NALF1: variants seen among roughly 807,000 people sequenced by gnomAD.
NALF1 encodes the protein family with sequence similarity 155 member A.
In NALF1, 3 loss-of-function variants were observed where a neutral mutation model predicts 48.4. The observed-to-expected ratio is 0.06, with a 90% confidence interval of 0.03 to 0.16. The LOEUF is 0.16. NALF1 is among the 10% of genes least tolerant of loss of function. NALF1 has a pLI of 1.00. For synonymous variants in NALF1, 262 were observed against 245.7 expected, an observed-to-expected ratio of 1.07 and a Z score of -0.62; for missense variants, 526 against 571.5, an observed-to-expected ratio of 0.92 and a Z score of 0.81.
chr13:107,783,238 T>TG (rs1420869355), intron 1 of NALF1, among the ~76,000 whole-genome samples: 3,093 of 37,368 alleles, frequency 0.083, 257 homozygotes, highest in Non-Finnish European at 0.11. Context: ...GGGAGGGAGG[T>TG]GGGGGGGTCA....
At chr13:107,696,875 C>G (rs1325590039) in intron 1 of NALF1, among the ~76,000 whole-genome samples, 1 of 152,014 alleles carries the variant, frequency 6.6e-6, no homozygotes, top group Admixed American at 6.6e-5. Flanking sequence ...TACATGCATA[C>G]TTTTACATTC....
At chr13:107,581,214 C>T (rs1236247424) in intron 1 of NALF1, among the ~76,000 whole-genome samples, 1 of 152,136 alleles carries the variant, frequency 6.6e-6, no homozygotes, top group Admixed American at 6.5e-5. Context: ...TGGGCAACTG[C>T]TGTGTCATTG....
At chr13:107,661,474 C>A (rs1880733204) in intron 1 of NALF1, among the ~76,000 whole-genome samples, 2 of 151,912 alleles carry the variant, frequency 1.3e-5, no homozygotes, top group South Asian at 2.1e-4. Context: ...TGTCCAACAA[C>A]CAAACTGGAG....
intron 1 of NALF1, among the ~76,000 whole-genome samples, chr13:107,672,748 CTACT>C: frequency 6.6e-6 from 1 of 152,242 alleles, no homozygotes; most frequent in South Asian, 2.1e-4. Context: ...CACAAACTCC[CTACT>C]TAAACTCCAG....
chr13:107,432,682 G>T (rs941705853), intron 1 of NALF1, among the ~76,000 whole-genome samples: 1 of 152,152 alleles, frequency 6.6e-6, no homozygotes, highest in Non-Finnish European at 1.5e-5. Flanking sequence ...TGATGTCAAT[G>T]TAAATTTAAA....
chr13:107,866,354 CTGCTGCTGCTGCCGCTGCTGCTGCTGG>C lies in NALF1; in HGVS notation c.216_242del (p.His72_Gln80del), dbSNP rs1422493899. 6.2e-6 allele frequency: 10 copies of C among 1,610,834 alleles called. No homozygotes were observed. Among genetic ancestry groups the C allele is most frequent in the Non-Finnish European group, 2.5e-6 (3 of 1,179,308 alleles). On this transcript the variant is annotated inframe_deletion, in exon 1 of 3. Coordinates refer to ENST00000375915, the MANE Select transcript of NALF1 (RefSeq NM_001080396.3). This position sits in a 1 kb window ranked among gnomAD's most constrained non-coding sequence, Gnocchi z 4.4. ...GCCGCTGCCTCTGCTGCTGCTGCTG[CTGCTGCTGCTGCCGCTGCTGCTGCTGG>C]TGCTCCTTGTCCCGGGCCCGGGTCA...
At chr13:107,818,857 G>A (rs907446038) in intron 1 of NALF1, among the ~76,000 whole-genome samples, 1 of 91,288 alleles carries the variant, frequency 1.1e-5, no homozygotes, top group African/African-American at 6.3e-5. Context: ...GGGCGACAGA[G>A]CGAGACTCCG....
chr13:107,421,774 C>T (rs1018846255), intron 1 of NALF1, among the ~76,000 whole-genome samples: 2 of 152,118 alleles, frequency 1.3e-5, no homozygotes, highest in African/African-American at 4.8e-5. Context: ...GAAAGCTTGC[C>T]TTGTCAATTT....
intron 1 of NALF1, among the ~76,000 whole-genome samples, chr13:107,721,975 A>T (rs1875999469): frequency 6.6e-6 from 1 of 152,186 alleles, no homozygotes; most frequent in Non-Finnish European, 1.5e-5. Flanking sequence ...AACATCACTG[A>T]GGGTTCCCCC....
rs147471987 is a variant in NALF1, at chr13:107,811,025, C to T, written c.915+54657G>A. 5.0e-4 allele frequency among the ~76,000 whole-genome samples: 76 copies of T among 152,138 alleles called. No individual in the cohort carries two copies. In the East Asian group the frequency reaches 0.012, roughly 25 times the overall value. On this transcript the variant is annotated intron_variant, in intron 1 of 2. Transcript: ENST00000375915. ...TATTATGTATCTAATATATCAATAACGCACAATTATATCCTGTGATGTACT... is the reference window on the plus strand; with the variant it reads ...TATTATGTATCTAATATATCAATAATGCACAATTATATCCTGTGATGTACT...
chr13:107,817,754 T>C (rs1879211003), intron 1 of NALF1, among the ~76,000 whole-genome samples: 1 of 152,170 alleles, frequency 6.6e-6, no homozygotes, highest in Admixed American at 6.5e-5. Context: ...CATGGTACGC[T>C]GCACTTCCCC....
chr13:107,303,769 A>T (rs1224185675), intron 1 of NALF1, among the ~76,000 whole-genome samples: 1 of 152,202 alleles, frequency 6.6e-6, no homozygotes, highest in Non-Finnish European at 1.5e-5. Flanking sequence ...AATTTAATTT[A>T]GAAAAAGCCC....
intron 1 of NALF1, among the ~76,000 whole-genome samples, chr13:107,241,644 C>T (rs1363324659): frequency 1.3e-5 from 2 of 152,182 alleles, no homozygotes; most frequent in African/African-American, 4.8e-5. Context: ...GCCCTTACAG[C>T]AGTGTCTGGC....
At chr13:107,317,916 G>A (rs1882180938) in intron 1 of NALF1, among the ~76,000 whole-genome samples, 1 of 151,920 alleles carries the variant, frequency 6.6e-6, no homozygotes, top group Non-Finnish European at 1.5e-5. Flanking sequence ...TAACAAATGA[G>A]TAGAGCATTA....
At position 107,255,584 on chromosome 13, in the gene NALF1, A is replaced by G. The variant is rs2391436; in HGVS notation, c.916-44829T>C. On this transcript the variant is annotated intron_variant, in intron 1 of 2. Transcript: ENST00000375915. ...TTATAGATAAAGAAAGTCCATTTTG[A>G]TATAAACGAATGGAGAGGACTAATC... Among the ~76,000 whole-genome samples the G allele has an allele frequency of 8.3e-3, 1,264 of 152,328 alleles. 19 individuals are homozygous for G. Among genetic ancestry groups the G allele is most frequent in the African/African-American group, 0.029 (1,193 of 41,570 alleles).
At chr13:107,570,104 G>A (rs1877941782) in intron 1 of NALF1, among the ~76,000 whole-genome samples, 1 of 151,754 alleles carries the variant, frequency 6.6e-6, no homozygotes. Context: ...TTTAATTGCT[G>A]TACACCTTGG....
intron 1 of NALF1, among the ~76,000 whole-genome samples, chr13:107,782,054 C>T (rs151337965): frequency 6.6e-6 from 1 of 152,128 alleles, no homozygotes; most frequent in Non-Finnish European, 1.5e-5. Context: ...CTCTCCCTCT[C>T]CCCACGGTCT....
chr13:107,418,006 G>A (rs930356051), intron 1 of NALF1, among the ~76,000 whole-genome samples: 3 of 152,086 alleles, frequency 2.0e-5, no homozygotes, highest in Admixed American at 6.5e-5. Context: ...GGTTGCAGTG[G>A]GCTGAGATCA....
At chr13:107,657,862 T>G (rs1326097368) in intron 1 of NALF1, among the ~76,000 whole-genome samples, 2 of 152,200 alleles carry the variant, frequency 1.3e-5, no homozygotes, top group Non-Finnish European at 2.9e-5. Flanking sequence ...CGTCTGACAC[T>G]TTAGACCTGC....
Sources: allele counts gnomAD v4.1 joint callset (sites outside exome capture counted in the v4.1 genomes callset), GRCh38; gene constraint gnomAD v4.1.1; non-coding constraint Gnocchi (gnomAD v3.1); transcripts MANE v1.5; gene names NCBI Gene and HGNC (gene_info 2026-07-23, HGNC 2026-07-21).